SMARCA1: variants seen among roughly 807,000 people sequenced by gnomAD.
The protein encoded by SMARCA1 is SWI/SNF-related matrix-associated actin-dependent regulator of chromatin subfamily A member 1.
Under a neutral mutation model 93.6 loss-of-function variants are expected in SMARCA1, and 17 were observed. That is an observed-to-expected ratio of 0.18 (90% confidence interval 0.12 to 0.27). The LOEUF (loss-of-function observed/expected upper bound fraction) is 0.27. Ranked by LOEUF, SMARCA1 falls within the 10% of genes least tolerant of loss-of-function variation. The pLI, the probability that SMARCA1 is intolerant of heterozygous loss-of-function variation, is 1.00. For missense variants in SMARCA1, 630 were observed against 819.0 expected (o/e 0.77, Z 2.82); for synonymous variants, 271 against 271.4 (o/e 1.00, Z 0.01).
chrX:129,485,069 T>C (rs1933837051), intron 17 of SMARCA1, among the ~76,000 whole-genome samples: 2 of 112,385 alleles, frequency 1.8e-5, no homozygotes, highest in African/African-American at 6.5e-5. Flanking sequence ...CACTGCCTAG[T>C]GGAATTGGGG....
At chrX:129,485,342 T>G (rs1203803169) in intron 17 of SMARCA1, among the ~76,000 whole-genome samples, 1 of 112,066 alleles carries the variant, frequency 8.9e-6, no homozygotes, top group Admixed American at 9.4e-5. Context: ...CCCCTCTCAT[T>G]AGGCTGATTT....
intron 9 of SMARCA1, among the ~76,000 whole-genome samples, chrX:129,502,946 T>C (rs776959279): frequency 9.0e-6 from 1 of 111,720 alleles, no homozygotes; most frequent in Non-Finnish European, 1.9e-5. Flanking sequence ...AGATCAAGGA[T>C]TCACATGGAA....
intron 23 of SMARCA1, 75 bp from the exon 24 acceptor site, chrX:129,448,518 G>A (rs1313574227): frequency 3.3e-6 from 3 of 916,333 alleles, no homozygotes; most frequent in Non-Finnish European, 4.6e-6. Context: ...CTATTTAACT[G>A]TATGATTTCT....
chrX:129,507,500 T>G, intron 7 of SMARCA1, among the ~76,000 whole-genome samples: 1 of 112,979 alleles, frequency 8.9e-6, no homozygotes, highest in Non-Finnish European at 1.9e-5. Context: ...AATTTTAATG[T>G]GTCTTGTATT....
intron 12 of SMARCA1, 60 bp from the exon 13 acceptor site, chrX:129,493,135 T>C: frequency 2.7e-6 from 1 of 365,311 alleles, no homozygotes; most frequent in East Asian, 4.2e-5. Context: ...CACTATAGCA[T>C]TATTTATAAT....
At chrX:129,453,528 T>C (rs1312853166) in intron 23 of SMARCA1, among the ~76,000 whole-genome samples, 4 of 112,171 alleles carry the variant, frequency 3.6e-5, no homozygotes, top group African/African-American at 1.3e-4. Flanking sequence ...GATGACATGA[T>C]TGTACATTTA....
chrX:129,503,854 T>A (rs759478617), intron 9 of SMARCA1, among the ~76,000 whole-genome samples: 6 of 88,135 alleles, frequency 6.8e-5, no homozygotes, highest in Non-Finnish European at 1.1e-4. Flanking sequence ...CCCAGCTACT[T>A]GGGAGGCTGA....
Position 129,468,757 on chromosome X carries a change from C to T in SMARCA1, c.2698+16G>A, listed in dbSNP as rs1932994106. The T allele has an allele frequency of 1.8e-6, 2 of 1,128,622 alleles. No individual in the cohort carries two copies. The highest frequency in any genetic ancestry group is 2.4e-6 in the Non-Finnish European group (2 of 840,844). The allele number at this position is 1,128,622 out of a possible 1,213,427, so 93.0% of individuals were successfully genotyped here. A position where few individuals can be genotyped will look rare whatever the true frequency, so the allele number is the denominator to read the frequency against. On this transcript the variant is annotated intron_variant, in intron 21 of 24. Coordinates refer to ENST00000371121, the MANE Select transcript of SMARCA1 (RefSeq NM_001282874.2). ...AACGTTAAAATACAACACCATGTTTCAAATTATATACAAACCTGAATACTC... is the reference window on the plus strand; with the variant it reads ...AACGTTAAAATACAACACCATGTTTTAAATTATATACAAACCTGAATACTC...
intron 12 of SMARCA1, among the ~76,000 whole-genome samples, chrX:129,494,665 T>A (rs1307034531): frequency 1.8e-5 from 2 of 111,410 alleles, no homozygotes; most frequent in East Asian, 5.6e-4. Flanking sequence ...TGCAATTTCA[T>A]GACCTGCAGT....
intron 5 of SMARCA1, among the ~76,000 whole-genome samples, chrX:129,513,584 T>A (rs972528234): frequency 9.4e-6 from 1 of 105,994 alleles, no homozygotes; most frequent in African/African-American, 3.4e-5. Flanking sequence ...TATTTATATA[T>A]TATATATTAT....
intron 14 of SMARCA1, among the ~76,000 whole-genome samples, chrX:129,491,671 G>A (rs1934132453): frequency 9.0e-6 from 1 of 111,053 alleles, no homozygotes; most frequent in Non-Finnish European, 1.9e-5. Context: ...CTGTAGGAAT[G>A]GGAAAAAACT....
intron 21 of SMARCA1, among the ~76,000 whole-genome samples, chrX:129,467,599 A>G (rs181465607): frequency 1.0e-3 from 111 of 110,601 alleles, no homozygotes; most frequent in African/African-American, 3.3e-3. Flanking sequence ...ATGTAATAAA[A>G]ACTCAATACA....
intron 8 of SMARCA1, 86 bp downstream of exon 8, chrX:129,505,994 T>C (rs1186521875): frequency 1.5e-5 from 11 of 730,235 alleles, no homozygotes; most frequent in Non-Finnish European, 2.2e-5. Context: ...AATTAAAAAG[T>C]ACCATAAATT....
At chrX:129,448,804 A>T (rs1602634523) in intron 23 of SMARCA1, among the ~76,000 whole-genome samples, 1 of 111,349 alleles carries the variant, frequency 9.0e-6, no homozygotes, top group Non-Finnish European at 1.9e-5. Flanking sequence ...CATTTATATA[A>T]CATCCTTAAA....
In SMARCA1 at chrX:129,508,132, T is replaced by C. The variant is rs757037294; in HGVS notation, c.811-36A>G. ...ATAAAATACTTCATATTAGAATATA[T>C]TTATATTAGAATATGTTATAAGATG... On this transcript the variant is annotated intron_variant, in intron 6 of 24. Coordinates refer to ENST00000371121, the MANE Select transcript of SMARCA1 (RefSeq NM_001282874.2). 1.6e-5 allele frequency: 13 copies of C among 803,827 alleles called. No individual in the cohort carries two copies. The South Asian group carries it at 3.3e-4, about 21-fold the overall frequency. 66.2% of individuals were successfully genotyped at this position (803,827 alleles called of 1,213,427 possible).
At chrX:129,512,129 A>T (rs1399583682) in intron 5 of SMARCA1, 146 bp from the exon 6 acceptor site, 1 of 453,289 alleles carries the variant, frequency 2.2e-6, no homozygotes, top group African/African-American at 2.4e-5. Flanking sequence ...AATACCAAAT[A>T]CCTTTTTTTA....
At chrX:129,501,613 G>T (rs1364935412) in intron 9 of SMARCA1, among the ~76,000 whole-genome samples, 1 of 105,823 alleles carries the variant, frequency 9.4e-6, no homozygotes, top group Admixed American at 1.0e-4. Context: ...CTTTTTTTGG[G>T]GGGGGAGGTG....
At chrX:129,518,227 T>C in intron 2 of SMARCA1, 134 bp downstream of exon 2, 2 of 361,848 alleles carry the variant, frequency 5.5e-6, no homozygotes, top group Admixed American at 5.5e-5. Flanking sequence ...ATAGATTGTA[T>C]ATTAAATTAT....
chrX:129,469,499 C>T (rs967412417), intron 20 of SMARCA1, among the ~76,000 whole-genome samples: 2 of 111,991 alleles, frequency 1.8e-5, no homozygotes, highest in East Asian at 5.6e-4. Context: ...GTTTTAAATT[C>T]CCTTGGCATT....
Sources: gnomAD v4.1 joint callset for allele counts (sites outside exome capture counted in the v4.1 genomes callset) on GRCh38, gnomAD v4.1.1 for gene constraint, MANE v1.5 for transcripts, NCBI Gene and HGNC (gene_info 2026-07-23, HGNC 2026-07-21) for gene names.